CCSER1: variants seen among roughly 807,000 people sequenced by gnomAD.
CCSER1 encodes serine-rich coiled-coil domain-containing protein 1.
CCSER1 carries 41 observed loss-of-function variants against 82.0 expected under a neutral mutation model. The ratio of observed to expected loss-of-function variants is 0.50; its 90% confidence interval spans 0.39 to 0.65. CCSER1 has a LOEUF of 0.65. Among genes scored for constraint, CCSER1 ranks in the 30% least tolerant of loss-of-function variants. CCSER1 has a pLI of 0.00. For synonymous variants in CCSER1, 414 were observed against 383.9 expected, an observed-to-expected ratio of 1.08 and a Z score of -0.92; for missense variants, 1,119 against 1,064.2, an observed-to-expected ratio of 1.05 and a Z score of -0.72.
intron 5 of CCSER1, among the ~76,000 whole-genome samples, chr4:90,481,665 A>T (rs1765994544): frequency 6.6e-6 from 1 of 152,178 alleles, no homozygotes; most frequent in Non-Finnish European, 1.5e-5. Context: ...TATATGCTGG[A>T]TTACGTTTAT....
intron 1 of CCSER1, among the ~76,000 whole-genome samples, chr4:90,246,027 G>A (rs1297105132): frequency 6.6e-6 from 1 of 152,138 alleles, no homozygotes; most frequent in Non-Finnish European, 1.5e-5. Context: ...CCTGTCATAG[G>A]AGGGAGAATT....
intron 10 of CCSER1, among the ~76,000 whole-genome samples, chr4:91,539,014 T>C (rs1341983266): frequency 6.6e-6 from 1 of 152,074 alleles, no homozygotes; most frequent in Non-Finnish European, 1.5e-5. Flanking sequence ...CAATTTTCTT[T>C]CTAAAGGTCC....
rs561417372 is a variant in CCSER1 at position 90,945,345 on chromosome 4, T to G, written c.2172+21898T>G. On this transcript the variant is annotated intron_variant, in intron 9 of 10. Transcript: ENST00000509176. ...CTGATAGAATAATAACACATTCAGC[T>G]AAATGGAATGGATCATGTTCCTTCT... 3.9e-4 allele frequency among the ~76,000 whole-genome samples: 59 copies of G among 152,306 alleles called. No homozygotes were observed. The South Asian group carries it at 0.012, about 31-fold the overall frequency.
intron 10 of CCSER1, among the ~76,000 whole-genome samples, chr4:91,417,350 C>A (rs1753428370): frequency 1.3e-5 from 2 of 151,946 alleles, no homozygotes; most frequent in African/African-American, 4.8e-5. Flanking sequence ...AGTACATAGC[C>A]AAAGGAATAT....
At chr4:91,261,980 A>C (rs1741223111) in intron 10 of CCSER1, among the ~76,000 whole-genome samples, 1 of 152,174 alleles carries the variant, frequency 6.6e-6, no homozygotes, top group Admixed American at 6.5e-5. Flanking sequence ...GAAATGTATA[A>C]CTTGAGACAA....
chr4:90,325,682 T>A, intron 3 of CCSER1: 2 of 442,472 alleles, frequency 4.5e-6, no homozygotes, highest in South Asian at 3.2e-5. Context: ...CTACCTGTTC[T>A]GAGGTGACAG....
intron 10 of CCSER1, among the ~76,000 whole-genome samples, chr4:91,107,639 C>CTTTTTTTTTTTT (rs55901052): frequency 7.3e-6 from 1 of 136,322 alleles, no homozygotes; most frequent in Non-Finnish European, 1.6e-5. Flanking sequence ...TTCTTTTTCT[C>CTTTTTTTTTTTT]TTTTTTTTTT....
intron 3 of CCSER1, among the ~76,000 whole-genome samples, chr4:90,390,318 G>A (rs185255940): frequency 1.3e-5 from 2 of 152,186 alleles, no homozygotes; most frequent in East Asian, 3.9e-4. Flanking sequence ...ATATTCGGGG[G>A]TACATGCACA....
At chr4:90,720,466 C>G (rs1742483138) in intron 6 of CCSER1, among the ~76,000 whole-genome samples, 1 of 151,880 alleles carries the variant, frequency 6.6e-6, no homozygotes, top group Non-Finnish European at 1.5e-5. Flanking sequence ...AAAATTAACT[C>G]CCTAACTTAT....
intron 5 of CCSER1, among the ~76,000 whole-genome samples, chr4:90,602,207 A>G (rs1332142077): frequency 6.6e-6 from 1 of 152,134 alleles, no homozygotes; most frequent in East Asian, 1.9e-4. Flanking sequence ...ATTAGCTGCA[A>G]AGCACATTTA....
intron 10 of CCSER1, among the ~76,000 whole-genome samples, chr4:91,139,211 T>C (rs1440322698): frequency 2.0e-5 from 3 of 152,186 alleles, no homozygotes; most frequent in Middle Eastern, 3.2e-3. Context: ...AGGTACATGA[T>C]GTTTTCATTC....
At chr4:90,275,814 G>A (rs925836812) in intron 1 of CCSER1, among the ~76,000 whole-genome samples, 17 of 152,110 alleles carry the variant, frequency 1.1e-4, no homozygotes, top group African/African-American at 4.1e-4. Flanking sequence ...GATTATACAA[G>A]CATATTCACT....
At chr4:90,340,652 A>G (rs1055367295) in intron 3 of CCSER1, among the ~76,000 whole-genome samples, 1 of 152,174 alleles carries the variant, frequency 6.6e-6, no homozygotes, top group Admixed American at 6.5e-5. Context: ...TTAATTTAAC[A>G]TGACAACTTT....
intron 3 of CCSER1, among the ~76,000 whole-genome samples, chr4:90,349,620 C>CAT: frequency 6.6e-6 from 1 of 151,750 alleles, no homozygotes; most frequent in African/African-American, 2.4e-5. Context: ...TTGTTTGTCA[C>CAT]GTATTTCATT....
chr4:90,173,320 C>G (rs549770860), intron 1 of CCSER1, among the ~76,000 whole-genome samples: 5 of 146,724 alleles, frequency 3.4e-5, no homozygotes, highest in Middle Eastern at 7.0e-3. Context: ...AAGTATTGAT[C>G]TGCAATTGTG....
intron 6 of CCSER1, among the ~76,000 whole-genome samples, chr4:90,696,967 T>G (rs926489661): frequency 1.3e-5 from 2 of 152,052 alleles, no homozygotes; most frequent in Admixed American, 1.3e-4. Context: ...AGTTAAGGGC[T>G]GCACAGTGGT....
At chr4:91,436,347 G>A (rs1171269050) in intron 10 of CCSER1, among the ~76,000 whole-genome samples, 7 of 152,020 alleles carry the variant, frequency 4.6e-5, no homozygotes, top group East Asian at 1.9e-4. Flanking sequence ...TAAATGTACT[G>A]ATATTTATGA....
intron 9 of CCSER1, among the ~76,000 whole-genome samples, chr4:91,037,245 C>CACACACATACAT (rs1741517818): frequency 7.5e-6 from 1 of 133,954 alleles, no homozygotes; most frequent in Admixed American, 7.2e-5. Flanking sequence ...CACACACACA[C>CACACACATACAT]ACACACACAC....
intron 6 of CCSER1, among the ~76,000 whole-genome samples, chr4:90,642,894 T>G (rs13109277): frequency 1.6e-4 from 5 of 31,582 alleles, no homozygotes; most frequent in African/African-American, 2.4e-4. Context: ...TTATTTTCTG[T>G]TTTTTTTTTT....
Sources: allele counts gnomAD v4.1 joint callset (sites outside exome capture counted in the v4.1 genomes callset), GRCh38; gene constraint gnomAD v4.1.1; transcripts MANE v1.5; gene names NCBI Gene and HGNC (gene_info 2026-07-23, HGNC 2026-07-21).